The following CRPPA variants were observed in gnomAD, a reference collection of about 807,000 sequenced individuals.
CRPPA encodes CDP-L-ribitol pyrophosphorylase A.
A neutral mutation model predicts 52.0 loss-of-function variants in CRPPA; 43 were observed. The ratio of observed to expected loss-of-function variants is 0.83; its 90% CI spans 0.65 to 1.07. The LOEUF is 1.07. Ranked by LOEUF, CRPPA falls within the 50% of genes least tolerant of loss-of-function variation. CRPPA has a pLI of 0.00. For synonymous variants in CRPPA, 250 were observed against 203.5 expected (o/e 1.23, Z -1.94); for missense variants, 629 against 551.7 (o/e 1.14, Z -1.40).
chr7:16,097,064 T>C (rs1188443695), intron 9 of CRPPA, among the ~76,000 whole-genome samples: 1 of 152,194 alleles, frequency 6.6e-6, no homozygotes, highest in Admixed American at 6.5e-5. Context: ...TCAATAGTAC[T>C]GAACGTTGTC....
At chr7:16,154,664 A>C (rs2128379884) in intron 9 of CRPPA, among the ~76,000 whole-genome samples, 1 of 152,254 alleles carries the variant, frequency 6.6e-6, no homozygotes, top group East Asian at 1.9e-4. Context: ...ATTACATTTG[A>C]TCTTGTCTTG....
intron 8 of CRPPA, among the ~76,000 whole-genome samples, chr7:16,242,455 C>A (rs1186103041): frequency 6.6e-6 from 1 of 151,960 alleles, no homozygotes; most frequent in Non-Finnish European, 1.5e-5. Flanking sequence ...GGTCACCACC[C>A]AAAAAACTTT....
At chr7:16,349,097 T>C (rs1026205939) in intron 3 of CRPPA, among the ~76,000 whole-genome samples, 1 of 152,202 alleles carries the variant, frequency 6.6e-6, no homozygotes. Flanking sequence ...TAAATATGCA[T>C]GCTTAGCTTC....
chr7:16,178,357 G>A (rs1781346904), intron 9 of CRPPA, among the ~76,000 whole-genome samples: 1 of 152,062 alleles, frequency 6.6e-6, no homozygotes, highest in African/African-American at 2.4e-5. Flanking sequence ...ATGAAGTACA[G>A]TTGTTGAGCA....
Position 16,090,549 on chromosome 7 carries a change from C to CAAAAAAAAAAAAAAA in CRPPA, c.*1131_*1145dup, listed in dbSNP as rs56034283. On this transcript the variant is annotated 3_prime_UTR_variant, in exon 10 of 10. Coordinates refer to ENST00000407010, the MANE Select transcript of CRPPA (RefSeq NM_001101426.4). ...CGAAAACCCTTCTCTACTAAAAATA[C>CAAAAAAAAAAAAAAA]AAAAAAAAAAAAAAAAAAAAAAAAT... The CAAAAAAAAAAAAAAA allele has an allele frequency of 1.2e-5, 1 of 82,208 alleles. No homozygotes were observed. Among genetic ancestry groups the CAAAAAAAAAAAAAAA allele is most frequent in the Non-Finnish European group, 2.2e-5 (1 of 45,994 alleles). 5.1% of individuals were successfully genotyped at this position (82,208 alleles called of 1,614,324 possible).
At chr7:16,144,125 G>A (rs1583387166) in intron 9 of CRPPA, among the ~76,000 whole-genome samples, 1 of 152,150 alleles carries the variant, frequency 6.6e-6, no homozygotes, top group East Asian at 1.9e-4. Flanking sequence ...TTGATGACAA[G>A]CCCACAGACC....
At chr7:16,275,767 G>A (rs745368401) in intron 6 of CRPPA, among the ~76,000 whole-genome samples, 27 of 152,020 alleles carry the variant, frequency 1.8e-4, no homozygotes, top group Middle Eastern at 3.2e-3. Flanking sequence ...AGCAGGCCAA[G>A]GCCAAGGCTG....
chr7:16,240,701 C>A (rs1484378273), intron 8 of CRPPA, among the ~76,000 whole-genome samples: 2 of 151,932 alleles, frequency 1.3e-5, no homozygotes, highest in African/African-American at 4.8e-5. Context: ...ACTAAAATAG[C>A]CAGCTCTTTT....
chr7:16,399,303 CGT>C (rs367691916), intron 2 of CRPPA, among the ~76,000 whole-genome samples: 34 of 151,676 alleles, frequency 2.2e-4, no homozygotes, highest in African/African-American at 4.9e-4. Context: ...GTGATCAACA[CGT>C]GTGACACGTG....
At chr7:16,384,379 A>G (rs1262611944) in intron 2 of CRPPA, among the ~76,000 whole-genome samples, 1 of 152,232 alleles carries the variant, frequency 6.6e-6, no homozygotes, top group East Asian at 1.9e-4. Context: ...CAGTCAGTTT[A>G]CCAGTGAAAG....
At chr7:16,166,285 CT>C (rs202117761) in intron 9 of CRPPA, among the ~76,000 whole-genome samples, 86 of 146,752 alleles carry the variant, frequency 5.9e-4, no homozygotes, top group Admixed American at 4.8e-4. Flanking sequence ...ACAGCCTAAA[CT>C]TTTTTTTTTT....
At chr7:16,316,502 G>A (rs1436718913) in intron 3 of CRPPA, among the ~76,000 whole-genome samples, 1 of 152,110 alleles carries the variant, frequency 6.6e-6, no homozygotes, top group Non-Finnish European at 1.5e-5. Context: ...ATATGGTTTT[G>A]TTCCTGAACA....
chr7:16,283,320 G>A (rs1310767891), intron 5 of CRPPA, among the ~76,000 whole-genome samples: 2 of 150,004 alleles, frequency 1.3e-5, no homozygotes, highest in Admixed American at 6.7e-5. Flanking sequence ...TATCATATAT[G>A]TATTTTATAT....
At position 16,397,766 on chromosome 7, in the gene CRPPA, TG is replaced by T. The variant is rs1201281696; in HGVS notation, c.534+8294del. Among the ~76,000 whole-genome samples the T allele has an allele frequency of 2.0e-5, 3 of 152,236 alleles. No homozygotes were observed. In the East Asian group the frequency reaches 5.8e-4, roughly 29 times the overall value. ...GCGAATGACACGATTGGCACGTGAT[TG>T]GCACGTGACCAACACGTCACTGACA... On this transcript the variant is annotated intron_variant, in intron 2 of 9. Transcript: ENST00000407010.
chr7:16,378,428 A>G (rs915753279), intron 2 of CRPPA, among the ~76,000 whole-genome samples: 5 of 151,636 alleles, frequency 3.3e-5, no homozygotes, highest in Non-Finnish European at 7.4e-5. Flanking sequence ...TGTCCCTACA[A>G]AGGACATGAA....
At chr7:16,131,816 A>C (rs558964072) in intron 9 of CRPPA, among the ~76,000 whole-genome samples, 1 of 152,180 alleles carries the variant, frequency 6.6e-6, no homozygotes, top group Non-Finnish European at 1.5e-5. Context: ...CTCGAACTCA[A>C]GTGATCTGCC....
chr7:16,107,186 C>CA lies in CRPPA; in HGVS notation c.1252-15388dup, dbSNP rs201523152. Reference sequence around the variant, plus strand: ...CAGACGGAATAGAAAGCAGAAGGGCCAAAAAAAAACAAAAACATCTTCAAA... The same window carrying CA: ...CAGACGGAATAGAAAGCAGAAGGGCCAAAAAAAAAACAAAAACATCTTCAAA... On this transcript the variant is annotated intron_variant, in intron 9 of 9. Transcript: ENST00000407010. 3.9e-3 allele frequency among the ~76,000 whole-genome samples: 566 copies of CA among 146,258 alleles called. 3 individuals carry two copies. Among genetic ancestry groups the CA allele is most frequent in the African/African-American group, 0.013 (501 of 39,982 alleles).
intron 9 of CRPPA, among the ~76,000 whole-genome samples, chr7:16,123,949 T>C (rs1782525395): frequency 6.6e-6 from 1 of 152,172 alleles, no homozygotes; most frequent in Non-Finnish European, 1.5e-5. Context: ...TATTGACATT[T>C]AAAATAAAAT....
intron 2 of CRPPA, among the ~76,000 whole-genome samples, chr7:16,398,598 T>C (rs1787687442): frequency 6.6e-6 from 1 of 151,992 alleles, no homozygotes; most frequent in South Asian, 2.1e-4. Flanking sequence ...CTGACGTTGC[T>C]ACAGCATGAT....
Sources: allele counts gnomAD v4.1 joint callset (sites outside exome capture counted in the v4.1 genomes callset), GRCh38; gene constraint gnomAD v4.1.1; transcripts MANE v1.5; gene names NCBI Gene and HGNC (gene_info 2026-07-23, HGNC 2026-07-21).